DNAJC24: variants seen among roughly 807,000 people sequenced by gnomAD.
DNAJC24 encodes DnaJ heat shock protein family (Hsp40) member C24.
DNAJC24 carries 17 observed loss-of-function variants against 18.0 expected under a neutral mutation model. That is an observed-to-expected ratio of 0.94 (90% confidence interval 0.65 to 1.42). The LOEUF is 1.42. Ranked by LOEUF, DNAJC24 falls within the 40% of genes most tolerant of loss-of-function variation. The pLI is 0.00. For missense variants in DNAJC24, 158 were observed against 175.6 expected, an observed-to-expected ratio of 0.90 and a Z score of 0.57; for synonymous variants, 55 against 57.7, an observed-to-expected ratio of 0.95 and a Z score of 0.21.
intron 2 of DNAJC24, among the ~76,000 whole-genome samples, chr11:31,389,746 A>G (rs1015233657): frequency 3.9e-5 from 6 of 152,388 alleles, no homozygotes; most frequent in East Asian, 3.9e-4. Flanking sequence ...TCTCCAAGAC[A>G]GACAATATGT....
intron 2 of DNAJC24, among the ~76,000 whole-genome samples, chr11:31,413,625 C>T (rs1003919636): frequency 6.6e-6 from 1 of 152,112 alleles, no homozygotes; most frequent in Non-Finnish European, 1.5e-5. Context: ...AGCCACTGCA[C>T]CCGGCCATAA....
intron 2 of DNAJC24, among the ~76,000 whole-genome samples, chr11:31,380,020 T>G (rs1394574258): frequency 6.6e-6 from 1 of 152,160 alleles, no homozygotes; most frequent in Non-Finnish European, 1.5e-5. Context: ...TCCACCCGCC[T>G]CAGCCTCCCA....
At chr11:31,402,886 C>T (rs1952614157) in intron 2 of DNAJC24, among the ~76,000 whole-genome samples, 1 of 151,920 alleles carries the variant, frequency 6.6e-6, no homozygotes, top group South Asian at 2.1e-4. Context: ...TGTACTGTGA[C>T]ATTATAACAG....
intron 2 of DNAJC24, among the ~76,000 whole-genome samples, chr11:31,380,710 T>C (rs1276853448): frequency 6.6e-6 from 1 of 152,236 alleles, no homozygotes; most frequent in African/African-American, 2.4e-5. Context: ...CCTATTTTAG[T>C]ACATTTCAGT....
intron 2 of DNAJC24, among the ~76,000 whole-genome samples, chr11:31,411,829 CT>C (rs1952713715): frequency 6.6e-6 from 1 of 152,320 alleles, no homozygotes; most frequent in African/African-American, 2.4e-5. Flanking sequence ...GATATTGGGA[CT>C]TTATATATTT....
chr11:31,384,493 C>G (rs1218648981), intron 2 of DNAJC24: 1 of 152,210 alleles, frequency 6.6e-6, no homozygotes, highest in Non-Finnish European at 1.5e-5. Context: ...CTGGATTTTG[C>G]TGAAGGAGAA....
intron 2 of DNAJC24, among the ~76,000 whole-genome samples, chr11:31,403,007 G>T (rs74468031): frequency 6.6e-6 from 1 of 152,084 alleles, no homozygotes; most frequent in Non-Finnish European, 1.5e-5. Flanking sequence ...GGCACATGAC[G>T]GTATTCTCTT....
intron 2 of DNAJC24, among the ~76,000 whole-genome samples, chr11:31,371,926 G>T (rs1952267968): frequency 6.8e-6 from 1 of 147,034 alleles, no homozygotes; most frequent in South Asian, 2.1e-4. Flanking sequence ...CACTTTCAAA[G>T]GATTCTCCTG....
At chr11:31,383,480 C>T (rs1382711981) in intron 2 of DNAJC24, among the ~76,000 whole-genome samples, 1 of 152,168 alleles carries the variant, frequency 6.6e-6, no homozygotes, top group African/African-American at 2.4e-5. Flanking sequence ...AGGTTATATT[C>T]ATGAAACTTC....
intron 2 of DNAJC24, among the ~76,000 whole-genome samples, chr11:31,387,185 G>A (rs998312453): frequency 2.0e-5 from 3 of 152,188 alleles, no homozygotes; most frequent in African/African-American, 7.2e-5. Flanking sequence ...CTGTCCTGAA[G>A]GGAAGGACAG....
chr11:31,429,461 A>C, intron 4 of DNAJC24: 1 of 384,834 alleles, frequency 2.6e-6, no homozygotes, highest in South Asian at 1.8e-5. Context: ...AATGTGACTG[A>C]TAAGTTATTT....
chr11:31,385,554 G>A (rs188460056), intron 2 of DNAJC24, among the ~76,000 whole-genome samples: 2 of 152,170 alleles, frequency 1.3e-5, no homozygotes, highest in Admixed American at 1.3e-4. Context: ...CAATCCCCCT[G>A]GGAGTTAAGT....
chr11:31,391,924 G>A (rs1228857175), intron 2 of DNAJC24, among the ~76,000 whole-genome samples: 1 of 152,106 alleles, frequency 6.6e-6, no homozygotes, highest in Non-Finnish European at 1.5e-5. Flanking sequence ...GCCATAAAAA[G>A]TGAGATCCTG....
intron 2 of DNAJC24, among the ~76,000 whole-genome samples, chr11:31,399,420 T>G (rs1952576298): frequency 1.3e-5 from 2 of 150,282 alleles, no homozygotes; most frequent in African/African-American, 4.9e-5. Flanking sequence ...TTCTCTTTTT[T>G]TTTTTTTTTT....
intron 2 of DNAJC24, among the ~76,000 whole-genome samples, chr11:31,404,711 T>C (rs973471102): frequency 6.6e-6 from 1 of 152,210 alleles, no homozygotes; most frequent in Non-Finnish European, 1.5e-5. Context: ...ATGCAAACTC[T>C]AAATAAAAAT....
chr11:31,381,164 A>G (rs1952373660), intron 2 of DNAJC24, among the ~76,000 whole-genome samples: 1 of 152,196 alleles, frequency 6.6e-6, no homozygotes, highest in African/African-American at 2.4e-5. Flanking sequence ...TGAGACATGA[A>G]GCATCGTTAA....
At chr11:31,421,395 T>C (rs1027676960) in intron 3 of DNAJC24, among the ~76,000 whole-genome samples, 1 of 152,206 alleles carries the variant, frequency 6.6e-6, no homozygotes, top group Non-Finnish European at 1.5e-5. Context: ...TTTAAACATT[T>C]GAAATGACAT....
Position 31,430,485 on chromosome 11 carries a change from ATTAT to A in DNAJC24, c.*87_*90del, listed in dbSNP as rs1021647738. ...GAGCTTTGTCCATTCAAGGAAATGG[ATTAT>A]TTGTCAGCCCGATTATTTGCAAAGA... On this transcript the variant is annotated 3_prime_UTR_variant, in exon 5 of 5. Coordinates refer to ENST00000465995, the MANE Select transcript of DNAJC24 (RefSeq NM_181706.5). The A allele has an allele frequency of 4.6e-5, 58 of 1,254,452 alleles. No homozygotes were observed. Among genetic ancestry groups the A allele is most frequent in the African/African-American group, 9.1e-5 (6 of 66,220 alleles). The allele number at this position is 1,254,452 out of a possible 1,614,324, so 77.7% of individuals were successfully genotyped here.
At chr11:31,399,981 A>T (rs1952584702) in intron 2 of DNAJC24, among the ~76,000 whole-genome samples, 2 of 151,750 alleles carry the variant, frequency 1.3e-5, no homozygotes, top group African/African-American at 4.8e-5. Flanking sequence ...CTCATTGTTC[A>T]GCTCCCACTT....
Sources: allele counts gnomAD v4.1 joint callset (sites outside exome capture counted in the v4.1 genomes callset), GRCh38; gene constraint gnomAD v4.1.1; transcripts MANE v1.5; gene names NCBI Gene and HGNC (gene_info 2026-07-23, HGNC 2026-07-21).